FBXL13: variants seen among roughly 807,000 people sequenced by gnomAD.
FBXL13 encodes the protein F-box and leucine-rich repeat protein 13.
Under a neutral mutation model 83.6 loss-of-function variants are expected in FBXL13, and 67 were observed. That is an observed-to-expected ratio of 0.80 (90% CI 0.66 to 0.98). The LOEUF (loss-of-function observed/expected upper bound fraction) is 0.98. Ranked by LOEUF, FBXL13 falls within the 50% of genes least tolerant of loss-of-function variation. The probability of loss-of-function intolerance (pLI) is 0.00; values close to 1 mark genes in which losing one functional copy is unlikely to be tolerated. For missense variants in FBXL13, 822 were observed against 866.5 expected (o/e 0.95, Z 0.64); for synonymous variants, 272 against 299.5 (o/e 0.91, Z 0.95).
intron 17 of FBXL13, among the ~76,000 whole-genome samples, chr7:102,846,786 G>A (rs1209402772): frequency 1.5e-5 from 1 of 68,734 alleles, no homozygotes; most frequent in African/African-American, 5.6e-5. Flanking sequence ...TGAACTTTGG[G>A]ACAGCCACAG....
At chr7:102,843,704 C>T (rs566611792) in intron 17 of FBXL13, among the ~76,000 whole-genome samples, 94 of 151,992 alleles carry the variant, frequency 6.2e-4, no homozygotes, top group African/African-American at 2.1e-3. Context: ...TGAACCCAGG[C>T]GGCGGAGGTT....
At chr7:102,952,615 C>T (rs2129477397) in intron 8 of FBXL13, among the ~76,000 whole-genome samples, 3 of 152,124 alleles carry the variant, frequency 2.0e-5, no homozygotes, top group South Asian at 4.2e-4. Context: ...CATGAACTAC[C>T]AAAACTGACT....
intron 6 of FBXL13, among the ~76,000 whole-genome samples, chr7:102,982,748 G>C (rs1828413847): frequency 6.6e-6 from 1 of 152,152 alleles, no homozygotes; most frequent in Admixed American, 6.5e-5. Flanking sequence ...CCCCAGCCAT[G>C]TGTAACTGTG....
intron 9 of FBXL13, 140 bp downstream of exon 10, chr7:102,931,741 T>A: frequency 1.5e-6 from 1 of 684,458 alleles, no homozygotes; most frequent in Non-Finnish European, 2.4e-6. Flanking sequence ...GAGTAAAATT[T>A]CTTGTCAATG....
intron 19 of FBXL13, 120 bp from the exon 21 acceptor site, chr7:102,813,651 C>T (rs1797606209): frequency 1.0e-6 from 1 of 983,218 alleles, no homozygotes; most frequent in Admixed American, 2.3e-5. Context: ...CACATGAGAC[C>T]TCTCTTGCCT....
rs1011938776 is a variant in FBXL13, at chr7:102,883,778, A to G, written c.1108-93T>C. 12 of 721,876 alleles carry G rather than the reference A, an allele frequency of 1.7e-5. No individual in the cohort carries two copies. In the African/African-American group the frequency reaches 2.0e-4, roughly 12 times the overall value. The allele number at this position is 721,876 out of a possible 1,614,324, so 44.7% of individuals were successfully genotyped here. A position where few individuals can be genotyped will look rare whatever the true frequency, so the allele number is the denominator to read the frequency against. The stretch of plus-strand genomic sequence containing the variant: ...CTTTTTCCTTCAATATATTAGAGAC[A>G]GACATGTTAACTGTTAATTTTCCTA... On this transcript the variant is annotated intron_variant, in intron 12 of 19. Coordinates refer to ENST00000313221, the Ensembl canonical transcript of FBXL13.
At chr7:102,943,499 T>C (rs1821866879) in intron 8 of FBXL13, among the ~76,000 whole-genome samples, 1 of 152,150 alleles carries the variant, frequency 6.6e-6, no homozygotes, top group Non-Finnish European at 1.5e-5. Flanking sequence ...AACAAAACCT[T>C]CTATCAATCC....
At chr7:102,955,981 T>G (rs992217825) in intron 8 of FBXL13, among the ~76,000 whole-genome samples, 1 of 152,148 alleles carries the variant, frequency 6.6e-6, no homozygotes, top group African/African-American at 2.4e-5. Flanking sequence ...CTATTCCTTC[T>G]GAAACTATTC....
intron 8 of FBXL13, among the ~76,000 whole-genome samples, chr7:102,952,382 A>C (rs981438537): frequency 6.6e-6 from 1 of 152,228 alleles, no homozygotes; most frequent in African/African-American, 2.4e-5. Flanking sequence ...ACAATGAAAA[A>C]AGAACCAAAT....
chr7:102,854,858 A>C (rs2129451510), exon 17 of FBXL13: 1 of 1,537,684 alleles, frequency 6.5e-7, no homozygotes, highest in African/African-American at 1.4e-5. Flanking sequence ...GCACATTCAA[A>C]CCCTAAAAAT....
intron 6 of FBXL13, among the ~76,000 whole-genome samples, chr7:103,018,509 A>G (rs1025875808): frequency 6.6e-6 from 1 of 152,242 alleles, no homozygotes. Context: ...AAATGCTCCA[A>G]TTAAAAGACA....
intron 11 of FBXL13, among the ~76,000 whole-genome samples, chr7:102,893,252 T>G (rs1209322280): frequency 6.6e-6 from 1 of 152,234 alleles, no homozygotes; most frequent in Non-Finnish European, 1.5e-5. Context: ...CAAAATAAGA[T>G]TCACTATTCT....
At position 102,884,525 on chromosome 7, in the gene FBXL13, A is replaced by G. The variant is rs111915148; in HGVS notation, c.1009-213T>C. On this transcript the variant is annotated intron_variant, in intron 11 of 19. Transcript: ENST00000313221. ...AAATTTATATAACATAAAATAAGCC[A>G]TGTAAGCCAGATGCAGCAGTGCATG... is the stretch of plus-strand genomic sequence containing the variant. Among the ~76,000 whole-genome samples the G allele has an allele frequency of 1.6e-3, 251 of 152,296 alleles. 1 individual carries two copies. The highest frequency in any genetic ancestry group is 5.9e-3 in the African/African-American group (246 of 41,568).
rs1562911150 is a variant in FBXL13, at chr7:102,826,741, A to ATG, written c.1855-4539_1855-4538insCA. Among the ~76,000 whole-genome samples, 215 of 64,036 alleles carry ATG rather than the reference A, an allele frequency of 3.4e-3. 2 individuals carry two copies. Among genetic ancestry groups the ATG allele is most frequent in the Admixed American group, 5.5e-3 (33 of 6,048 alleles). The allele number at this position is 64,036 out of a possible 152,430, so 42.0% of individuals were successfully genotyped here. A position where few individuals can be genotyped will look rare whatever the true frequency, so the allele number is the denominator to read the frequency against. On this transcript the variant is annotated intron_variant, in intron 18 of 19. Coordinates refer to ENST00000313221, the Ensembl canonical transcript of FBXL13. ...CCCTGTCTCATATATATATATATAT[A>ATG]TATATATATATATATATATATATAT...
At chr7:103,038,466 C>T (rs776384516) in intron 2 of FBXL13, among the ~76,000 whole-genome samples, 36 of 152,258 alleles carry the variant, frequency 2.4e-4, no homozygotes, top group Non-Finnish European at 4.0e-4. Context: ...CAGTGATTCT[C>T]TCAGCACGGC....
chr7:103,050,323 T>G (rs1796679651), intron 2 of FBXL13, among the ~76,000 whole-genome samples: 1 of 152,246 alleles, frequency 6.6e-6, no homozygotes, highest in African/African-American at 2.4e-5. Flanking sequence ...CTTCTGGGCT[T>G]TCTTTCCCTT....
intron 6 of FBXL13, among the ~76,000 whole-genome samples, chr7:103,021,794 T>C (rs200586978): frequency 6.6e-6 from 1 of 152,172 alleles, no homozygotes; most frequent in East Asian, 1.9e-4. Flanking sequence ...TACCATCTCA[T>C]ACCAGTTAGA....
At chr7:102,948,265 T>C (rs569070050) in intron 8 of FBXL13, among the ~76,000 whole-genome samples, 1 of 151,614 alleles carries the variant, frequency 6.6e-6, no homozygotes, top group African/African-American at 2.4e-5. Context: ...AGTTTCACCA[T>C]GTTGGCCAAG....
chr7:102,858,153 C>T (rs762039003), intron 16 of FBXL13, among the ~76,000 whole-genome samples: 4 of 152,156 alleles, frequency 2.6e-5, no homozygotes, highest in Non-Finnish European at 4.4e-5. Flanking sequence ...TTTGCAGCAA[C>T]ATGGATGAGC....
Sources: gnomAD v4.1 joint callset for allele counts (sites outside exome capture counted in the v4.1 genomes callset) on GRCh38, gnomAD v4.1.1 for gene constraint, MANE v1.5 for transcripts, NCBI Gene and HGNC (gene_info 2026-07-23, HGNC 2026-07-21) for gene names.